Variants in EBF3 observed in about 807,000 individuals in gnomAD.
The protein encoded by EBF3 is transcription factor COE3.
Under a neutral mutation model 77.1 loss-of-function variants are expected in EBF3, and 18 were observed. That is an observed-to-expected ratio of 0.23 (90% CI 0.16 to 0.35). The LOEUF (loss-of-function observed/expected upper bound fraction) is 0.35. Among genes scored for constraint, EBF3 ranks in the 10% least tolerant of loss-of-function variants. EBF3 has a pLI of 1.00. For synonymous variants in EBF3, 350 were observed against 343.5 expected, an observed-to-expected ratio of 1.02 and a Z score of -0.21; for missense variants, 558 against 860.0, an observed-to-expected ratio of 0.65 and a Z score of 4.39.
intron 10 of EBF3, among the ~76,000 whole-genome samples, chr10:129,856,096 G>A (rs1263050592): frequency 6.6e-6 from 1 of 152,182 alleles, no homozygotes; most frequent in Non-Finnish European, 1.5e-5. Flanking sequence ...CTCCCCATAG[G>A]AGGAAGGCCA....
At chr10:129,937,044 C>T (rs902985266) in intron 6 of EBF3, among the ~76,000 whole-genome samples, 4 of 152,178 alleles carry the variant, frequency 2.6e-5, no homozygotes, top group African/African-American at 9.7e-5. Flanking sequence ...GAGTGCCAGG[C>T]GCCAGCCAGC....
intron 6 of EBF3, among the ~76,000 whole-genome samples, chr10:129,911,785 G>A (rs1244651673): frequency 2.0e-5 from 3 of 152,198 alleles, no homozygotes; most frequent in Non-Finnish European, 4.4e-5. Flanking sequence ...CCTACTCCAA[G>A]CTGGGAAGCC....
At chr10:129,945,143 G>C (rs1299894114) in intron 6 of EBF3, among the ~76,000 whole-genome samples, 1 of 82,712 alleles carries the variant, frequency 1.2e-5, no homozygotes, top group Non-Finnish European at 2.5e-5. Flanking sequence ...AGGGAGGGGA[G>C]GGGAGGGGAG....
intron 6 of EBF3, among the ~76,000 whole-genome samples, chr10:129,908,318 C>A (rs1855285155): frequency 6.6e-6 from 1 of 152,190 alleles, no homozygotes; most frequent in Non-Finnish European, 1.5e-5. Flanking sequence ...CCTAGGCTAG[C>A]TCAGATAAAG....
chr10:129,930,055 G>A (rs1856903024), intron 6 of EBF3, among the ~76,000 whole-genome samples: 2 of 152,134 alleles, frequency 1.3e-5, no homozygotes, highest in Non-Finnish European at 2.9e-5. Flanking sequence ...GCCGGAGCTG[G>A]GACTCTTCCT....
At chr10:129,887,692 G>C (rs1853704838) in intron 6 of EBF3, among the ~76,000 whole-genome samples, 1 of 152,112 alleles carries the variant, frequency 6.6e-6, no homozygotes, top group Non-Finnish European at 1.5e-5. Context: ...GCAATTACAG[G>C]GCCCTGCACA....
chr10:129,932,895 C>T (rs1423030835), intron 6 of EBF3, among the ~76,000 whole-genome samples: 4 of 126,406 alleles, frequency 3.2e-5, no homozygotes, highest in African/African-American at 6.0e-5. Flanking sequence ...CTTTTTTTTC[C>T]TTTTTTTTTT....
rs1554892382 is a variant in EBF3, at chr10:129,841,042, T to TGCCC, written c.1373-11_1373-10insGGGC. ...TTGCGACTGTAGCCGACTGTTGAAA[T>TGCCC]CCCCCCCCCGGCCAAAAATAACATT... On this transcript the variant is annotated splice_polypyrimidine_tract_variant and intron_variant, in intron 13 of 16. Coordinates refer to ENST00000440978, the MANE Select transcript of EBF3 (RefSeq NM_001375380.1). The surrounding 1 kb of genome is among the most constrained non-coding windows in gnomAD (Gnocchi z 4.6). 9.3e-6 allele frequency: 14 copies of TGCCC among 1,510,116 alleles called. No individual in the cohort carries two copies. Among genetic ancestry groups the TGCCC allele is most frequent in the Admixed American group, 2.0e-5 (1 of 50,540 alleles). 93.5% of individuals were successfully genotyped at this position (1,510,116 alleles called of 1,614,324 possible). A position where few individuals can be genotyped will look rare whatever the true frequency, so the allele number is the denominator to read the frequency against.
At chr10:129,890,025 G>T (rs1298495473) in intron 6 of EBF3, among the ~76,000 whole-genome samples, 4 of 113,508 alleles carry the variant, frequency 3.5e-5, no homozygotes, top group Middle Eastern at 8.1e-3. Context: ...CCCATTAATT[G>T]TTCATGTACC....
intron 11 of EBF3, chr10:129,843,516 G>A (rs1850241147): frequency 3.0e-6 from 1 of 328,208 alleles, no homozygotes; most frequent in Non-Finnish European, 5.7e-6. Context: ...GAGGTTTAAT[G>A]ACGGAGTCTT....
intron 6 of EBF3, among the ~76,000 whole-genome samples, chr10:129,940,179 T>G (rs1857634561): frequency 6.6e-6 from 1 of 152,228 alleles, no homozygotes. Flanking sequence ...ACAGGCATCC[T>G]GGGCTCTGTG....
chr10:129,897,996 G>C lies in EBF3; in HGVS notation c.555-20147C>G, dbSNP rs1854513241. ...AGAGAGCCCGAGCTGACCCGTTGCTGTATTAAATTTTCATATGAAAAGAGG... is the reference window on the plus strand; with the variant it reads ...AGAGAGCCCGAGCTGACCCGTTGCTCTATTAAATTTTCATATGAAAAGAGG... On this transcript the variant is annotated intron_variant, in intron 6 of 16. Transcript: ENST00000440978. This position sits in a 1 kb window ranked among gnomAD's most constrained non-coding sequence, Gnocchi z 4.6. Among the ~76,000 whole-genome samples the C allele has an allele frequency of 6.6e-6, 1 of 152,188 alleles. No individual in the cohort carries two copies. The highest frequency in any genetic ancestry group is 6.5e-5 in the Admixed American group (1 of 15,274).
intron 6 of EBF3, among the ~76,000 whole-genome samples, chr10:129,908,893 T>A (rs112527640): frequency 6.6e-6 from 1 of 152,192 alleles, no homozygotes; most frequent in Admixed American, 6.5e-5. Context: ...TCTTTGCAAA[T>A]TCTAAACACA....
At chr10:129,919,675 G>A (rs545440482) in intron 6 of EBF3, among the ~76,000 whole-genome samples, 1 of 152,180 alleles carries the variant, frequency 6.6e-6, no homozygotes, top group African/African-American at 2.4e-5. Context: ...GCTGCAGGGG[G>A]CAAGGACTCT....
At chr10:129,959,954 G>A (rs1859366470) in intron 4 of EBF3, among the ~76,000 whole-genome samples, 1 of 152,190 alleles carries the variant, frequency 6.6e-6, no homozygotes, top group Admixed American at 6.5e-5. Context: ...GCGCACGCTC[G>A]GGTGGGTTTT....
Position 129,947,133 on chromosome 10 carries a change from T to C in EBF3, c.554+10125A>G, listed in dbSNP as rs1367668432. Among the ~76,000 whole-genome samples the C allele has an allele frequency of 6.6e-6, 1 of 152,120 alleles. No homozygotes were observed. On this transcript the variant is annotated intron_variant, in intron 6 of 16. Coordinates refer to ENST00000440978, the MANE Select transcript of EBF3 (RefSeq NM_001375380.1). The surrounding 1 kb of genome is among the most constrained non-coding windows in gnomAD (Gnocchi z 4.5). Reference sequence around the variant, plus strand: ...GGGACGAGCCGCTTCATTGAGAAAATGGAAATGGACAGGGAGCTCCCTTTG... The same window carrying C: ...GGGACGAGCCGCTTCATTGAGAAAACGGAAATGGACAGGGAGCTCCCTTTG...
intron 16 of EBF3, among the ~76,000 whole-genome samples, chr10:129,838,400 C>A (rs1849760821): frequency 1.3e-5 from 2 of 152,232 alleles, no homozygotes; most frequent in East Asian, 3.9e-4. Flanking sequence ...TGCTCTCGCT[C>A]CCTATGTGAG....
chr10:129,839,897 C>A (rs1849890987), intron 15 of EBF3, among the ~76,000 whole-genome samples: 1 of 152,250 alleles, frequency 6.6e-6, no homozygotes, highest in Admixed American at 6.5e-5. Flanking sequence ...GGCCCATTGG[C>A]TGAATCAGAC....
intron 6 of EBF3, among the ~76,000 whole-genome samples, chr10:129,883,887 G>A (rs1490557497): frequency 6.6e-6 from 1 of 152,080 alleles, no homozygotes; most frequent in Non-Finnish European, 1.5e-5. Context: ...CCACAGAACT[G>A]TTCACTTTAA....
Sources: gnomAD v4.1 joint callset for allele counts (sites outside exome capture counted in the v4.1 genomes callset) on GRCh38, gnomAD v4.1.1 for gene constraint, Gnocchi (gnomAD v3.1) non-coding constraint, MANE v1.5 for transcripts, NCBI Gene and HGNC (gene_info 2026-07-23, HGNC 2026-07-21) for gene names.